Variants in CLEC7A observed in about 807,000 individuals in gnomAD.
CLEC7A encodes C-type lectin domain containing 7A, also known as C-type lectin domain family 7 member A.
Under a neutral mutation model 26.9 loss-of-function variants are expected in CLEC7A, and 25 were observed. That is an observed-to-expected ratio of 0.93 (90% CI 0.68 to 1.30). The LOEUF (loss-of-function observed/expected upper bound fraction) is 1.30. Ranked by LOEUF, CLEC7A falls within the 50% of genes most tolerant of loss-of-function variation. CLEC7A has a pLI of 0.00. For missense variants in CLEC7A, 275 were observed against 286.7 expected (o/e 0.96, Z 0.29); for synonymous variants, 100 against 99.5 (o/e 1.01, Z -0.03).
intron 1 of CLEC7A, 41 bp downstream of exon 1, chr12:10,129,939 G>A (rs558179342): frequency 7.5e-5 from 89 of 1,181,368 alleles, no homozygotes; most frequent in South Asian, 2.7e-4. Context: ...CTTTTCAAAC[G>A]GGAGAGCTAA....
rs1948444829 is a variant in CLEC7A at position 10,130,172 on chromosome 12, C to G, written c.-90G>C. The G allele has an allele frequency of 3.0e-6, 2 of 655,898 alleles. No individual in the cohort carries two copies. Among genetic ancestry groups the G allele is most frequent in the Non-Finnish European group, 5.4e-6 (2 of 368,368 alleles). 40.6% of individuals were successfully genotyped at this position (655,898 alleles called of 1,614,324 possible). A position where few individuals can be genotyped will look rare whatever the true frequency, so the allele number is the denominator to read the frequency against. On this transcript the variant is annotated 5_prime_UTR_variant, in exon 1 of 6. Transcript: ENST00000304084. ...ACTGTCTGTGGACAAAAGAGAATCTCTGAGTCAAATCATGTGGGCTAGGTA... is the reference window on the plus strand; with the variant it reads ...ACTGTCTGTGGACAAAAGAGAATCTGTGAGTCAAATCATGTGGGCTAGGTA...
chr12:10,123,361 T>A lies in CLEC7A; in HGVS notation c.495A>T (p.Gly165=). The A allele has an allele frequency of 6.6e-7, 1 of 1,516,690 alleles. No homozygotes were observed. The highest frequency in any genetic ancestry group is 9.2e-7 in the Non-Finnish European group (1 of 1,091,440). 94.0% of individuals were successfully genotyped at this position (1,516,690 alleles called of 1,614,324 possible). A position where few individuals can be genotyped will look rare whatever the true frequency, so the allele number is the denominator to read the frequency against. ...LLKIDSSNEL[G]FIVKQVSSQP... is the part of the protein sequence containing the mutation. Reference sequence around the variant, plus strand: ...GGGAAGACACTTGTTTTACTATAAATCCCTGTAATGAAACATATACAAATA... The same window carrying A: ...GGGAAGACACTTGTTTTACTATAAAACCCTGTAATGAAACATATACAAATA... Residue 165 remains glycine (G), a splice_region_variant and synonymous_variant, in exon 5 of 6, where the codon GGA becomes GGT. Transcript: ENST00000304084.
Position 10,119,755 on chromosome 12 carries a change from A to G in CLEC7A, c.612-1165T>C, listed in dbSNP as rs886282164. 5.9e-5 allele frequency among the ~76,000 whole-genome samples: 9 copies of G among 152,268 alleles called. No individual in the cohort carries two copies. The East Asian group carries it at 1.7e-3, about 29-fold the overall frequency. On this transcript the variant is annotated intron_variant, in intron 5 of 5. Transcript: ENST00000304084. ...AAAAAACACTTCAAATTAATTCTAC[A>G]AAGATTTTAAGATAAAATGTTAACA...
At chr12:10,123,753 G>A (rs1213096984) in intron 4 of CLEC7A, among the ~76,000 whole-genome samples, 2 of 89,298 alleles carry the variant, frequency 2.2e-5, no homozygotes, top group Non-Finnish European at 4.4e-5. Context: ...GGGCGACAGA[G>A]CGAGACTCCG....
At chr12:10,128,578 T>C (rs1948384715) in intron 1 of CLEC7A, among the ~76,000 whole-genome samples, 1 of 152,158 alleles carries the variant, frequency 6.6e-6, no homozygotes, top group Non-Finnish European at 1.5e-5. Context: ...CCTGGGCAAA[T>C]TACTCCCTTT....
In CLEC7A at chr12:10,125,305, T is replaced by C; in HGVS notation, c.484A>G (p.Asn162Asp). The C allele has an allele frequency of 6.2e-7, 1 of 1,613,616 alleles. No individual in the cohort carries two copies. The highest frequency in any genetic ancestry group is 8.5e-7 in the Non-Finnish European group (1 of 1,179,796). ...CAGAAGTCTACACTTACCAATTCAT[T>C]TGAGCTGTCTATCTTTAGGAGATTA... ...GSNLLKIDSSNELGFIVKQVS... is the reference protein window; with the variant it reads ...GSNLLKIDSSDELGFIVKQVS... Residue 162 changes from asparagine to aspartate, a missense_variant, in exon 4 of 6, where the codon AAT becomes GAT. Coordinates refer to ENST00000304084, the MANE Select transcript of CLEC7A (RefSeq NM_197947.3).
chr12:10,127,457 TA>T, intron 2 of CLEC7A: 1 of 1,613,194 alleles, frequency 6.2e-7, no homozygotes, highest in Non-Finnish European at 8.5e-7. Context: ...GTAAGGGAGG[TA>T]GGAGAGCAAT....
intron 1 of CLEC7A, among the ~76,000 whole-genome samples, 175 bp from the exon 2 acceptor site, chr12:10,128,020 G>A (rs1948355679): frequency 6.6e-6 from 1 of 150,722 alleles, no homozygotes; most frequent in South Asian, 2.1e-4. Flanking sequence ...AGACCAGCCT[G>A]GGCAACACAG....
intron 1 of CLEC7A, among the ~76,000 whole-genome samples, chr12:10,128,932 T>C (rs1438226453): frequency 6.6e-6 from 1 of 152,218 alleles, no homozygotes; most frequent in East Asian, 1.9e-4. Flanking sequence ...CTCTCAAAGA[T>C]AATAGGGAAC....
intron 5 of CLEC7A, among the ~76,000 whole-genome samples, chr12:10,119,577 A>G (rs1948013746): frequency 6.6e-6 from 1 of 152,228 alleles, no homozygotes; most frequent in African/African-American, 2.4e-5. Flanking sequence ...AAGACAAACA[A>G]GTACTATAAG....
rs1948343454 is a variant in CLEC7A at position 10,127,759 on chromosome 12, G to A, written c.190C>T (p.Leu64=). The A allele has an allele frequency of 1.1e-5, 18 of 1,587,926 alleles. No homozygotes were observed. Among genetic ancestry groups the A allele is most frequent in the Non-Finnish European group, 1.5e-5 (18 of 1,165,044 alleles). Residue 64 remains leucine (L), a synonymous_variant, in exon 2 of 6, where the codon CTG becomes TTG. Transcript: ENST00000304084. ...ACCAAATACTCACCCATGGTACCCAGGACCACAGCTATCACCAGTATTACC... is the reference window on the plus strand; with the variant it reads ...ACCAAATACTCACCCATGGTACCCAAGACCACAGCTATCACCAGTATTACC... ...CLVILVIAVV[L]GTMAIWRSNS... is the part of the protein sequence containing the mutation.
At chr12:10,125,142 C>CA in intron 4 of CLEC7A, 155 bp downstream of exon 4, 1 of 760,350 alleles carries the variant, frequency 1.3e-6, no homozygotes, top group Non-Finnish European at 2.2e-6. Flanking sequence ...CGCGGCTTCA[C>CA]TGCACTCTAG....
rs1437756209 is a variant in CLEC7A, at chr12:10,116,853, A to G, written c.*1605T>C. The G allele has an allele frequency of 1.3e-5, 2 of 152,216 alleles. No individual in the cohort carries two copies. The highest frequency in any genetic ancestry group is 2.9e-5 in the Non-Finnish European group (2 of 68,034). The allele number at this position is 152,216 out of a possible 1,614,324, so 9.4% of individuals were successfully genotyped here. On this transcript the variant is annotated 3_prime_UTR_variant, in exon 6 of 6. Transcript: ENST00000304084. ...TCATCCATTTTAAACTGCATAATTT[A>G]GTAAAATTGGTACAATTTCTTTTCA...
intron 2 of CLEC7A, 47 bp from the exon 3 acceptor site, chr12:10,126,755 G>T (rs574642475): frequency 5.4e-6 from 8 of 1,488,786 alleles, no homozygotes; most frequent in Admixed American, 2.1e-5. Flanking sequence ...ATGTCATTCT[G>T]CTGTGTTTGA....
chr12:10,127,297 TAA>T (rs1363364670), intron 2 of CLEC7A: 7 of 1,496,732 alleles, frequency 4.7e-6, no homozygotes, highest in Non-Finnish European at 5.4e-6. Context: ...ATAATTTCCT[TAA>T]ATAATGTGAA....
Position 10,118,264 on chromosome 12 carries a change from T to C in CLEC7A, c.*194A>G, listed in dbSNP as rs1947968975. ...AGGGATCTACTAACTAGAAAAATAA[T>C]ACTAGCCTACCTGTAGGTCGACAAA... On this transcript the variant is annotated 3_prime_UTR_variant, in exon 6 of 6. Coordinates refer to ENST00000304084, the MANE Select transcript of CLEC7A (RefSeq NM_197947.3). 1 of 546,756 alleles carries C rather than the reference T, an allele frequency of 1.8e-6. No individual in the cohort carries two copies. Among genetic ancestry groups the C allele is most frequent in the South Asian group, 2.6e-5 (1 of 38,878 alleles). The allele number at this position is 546,756 out of a possible 1,614,324, so 33.9% of individuals were successfully genotyped here. A position where few individuals can be genotyped will look rare whatever the true frequency, so the allele number is the denominator to read the frequency against.
At chr12:10,126,544 G>C (rs1948290542) in intron 3 of CLEC7A, 27 bp downstream of exon 3, 6 of 1,588,230 alleles carry the variant, frequency 3.8e-6, no homozygotes, top group Middle Eastern at 1.7e-4. Flanking sequence ...CTTGAGTCAA[G>C]ATTCCGTCCT....
At position 10,116,954 on chromosome 12, in the gene CLEC7A, C is replaced by G. The variant is rs555302379; in HGVS notation, c.*1504G>C. On this transcript the variant is annotated 3_prime_UTR_variant, in exon 6 of 6. Coordinates refer to ENST00000304084, the MANE Select transcript of CLEC7A (RefSeq NM_197947.3). ...ATATCCATTGGAAATAAAAATAGCA[C>G]CAGTGGGAAAGTATGAAAAAAATAA... 1 of 151,646 alleles carries G rather than the reference C, an allele frequency of 6.6e-6. No individual in the cohort carries two copies. Among genetic ancestry groups the G allele is most frequent in the South Asian group, 2.1e-4 (1 of 4,806 alleles). The allele number at this position is 151,646 out of a possible 1,614,324, so 9.4% of individuals were successfully genotyped here.
chr12:10,118,651 G>T, intron 5 of CLEC7A, 61 bp from the exon 6 acceptor site: 1 of 1,406,616 alleles, frequency 7.1e-7, no homozygotes, highest in Non-Finnish European at 9.8e-7. Context: ...TGTCTACATG[G>T]CGCACAAATA....
Sources: allele counts gnomAD v4.1 joint callset (sites outside exome capture counted in the v4.1 genomes callset), GRCh38; gene constraint gnomAD v4.1.1; transcripts MANE v1.5; gene names NCBI Gene and HGNC (gene_info 2026-07-23, HGNC 2026-07-21).